Variants in OLA1 observed in about 807,000 individuals in gnomAD.
OLA1 encodes obg-like ATPase 1.
Under a neutral mutation model 48.4 loss-of-function variants are expected in OLA1, and 14 were observed. The ratio of observed to expected loss-of-function variants is 0.29; its 90% CI spans 0.19 to 0.45. The LOEUF (loss-of-function observed/expected upper bound fraction) is 0.45, where lower values mean the gene tolerates loss of function less well. Among genes scored for constraint, OLA1 ranks in the 20% least tolerant of loss-of-function variants. The pLI is 1.00. For synonymous variants in OLA1, 127 were observed against 150.4 expected (o/e 0.84, Z 1.14); for missense variants, 325 against 467.1 (o/e 0.70, Z 2.80).
chr2:174,079,839 A>T (rs1472355864), intron 9 of OLA1, among the ~76,000 whole-genome samples: 1 of 151,978 alleles, frequency 6.6e-6, no homozygotes, highest in African/African-American at 2.4e-5. Flanking sequence ...TTTTTACAAT[A>T]AAAGATGTAT....
At chr2:174,174,653 G>A (rs1009703979) in intron 4 of OLA1, among the ~76,000 whole-genome samples, 1 of 151,954 alleles carries the variant, frequency 6.6e-6, no homozygotes, top group Non-Finnish European at 1.5e-5. Flanking sequence ...AAATACTGTT[G>A]AGAAGAGACC....
intron 5 of OLA1, among the ~76,000 whole-genome samples, chr2:174,129,331 G>A (rs910985690): frequency 4.6e-5 from 7 of 151,872 alleles, no homozygotes; most frequent in African/African-American, 1.7e-4. Context: ...GGTGGCAGGT[G>A]CCTGTAGTCC....
At chr2:174,172,497 G>C (rs779005777) in intron 4 of OLA1, 2 of 158,246 alleles carry the variant, frequency 1.3e-5, no homozygotes, top group Non-Finnish European at 2.8e-5. Context: ...CCCTATATGC[G>C]GGGAGAAGTG....
intron 7 of OLA1, among the ~76,000 whole-genome samples, chr2:174,108,272 A>G (rs1331413659): frequency 6.6e-6 from 1 of 152,116 alleles, no homozygotes; most frequent in Non-Finnish European, 1.5e-5. Flanking sequence ...TATTTTCAAA[A>G]TCGTTTGCTA....
chr2:174,146,689 G>A (rs1297183686), intron 4 of OLA1, among the ~76,000 whole-genome samples: 4 of 152,044 alleles, frequency 2.6e-5, no homozygotes, highest in African/African-American at 7.2e-5. Flanking sequence ...TTATGAGAGC[G>A]AGGGAAAAAA....
At chr2:174,200,252 A>G (rs1687961953) in intron 4 of OLA1, among the ~76,000 whole-genome samples, 1 of 152,162 alleles carries the variant, frequency 6.6e-6, no homozygotes, top group South Asian at 2.1e-4. Context: ...GAGATAAAAA[A>G]TTTTGAGAAC....
At chr2:174,170,934 G>A (rs1219800570) in intron 4 of OLA1, among the ~76,000 whole-genome samples, 2 of 152,140 alleles carry the variant, frequency 1.3e-5, no homozygotes, top group African/African-American at 4.8e-5. Context: ...TAGGTTGAAA[G>A]TAAATGGATG....
chr2:174,243,059 A>C (rs1054770971), intron 2 of OLA1, among the ~76,000 whole-genome samples: 1 of 151,802 alleles, frequency 6.6e-6, no homozygotes, highest in Non-Finnish European at 1.5e-5. Context: ...CCCAGGCTAG[A>C]GTGCAGTGGC....
intron 4 of OLA1, among the ~76,000 whole-genome samples, chr2:174,151,146 T>A (rs189129648): frequency 6.6e-6 from 1 of 152,110 alleles, no homozygotes; most frequent in Middle Eastern, 3.2e-3. Context: ...CTTACATGAA[T>A]GAGTAATACA....
At chr2:174,225,473 C>T (rs575798042) in intron 3 of OLA1, among the ~76,000 whole-genome samples, 32 of 152,170 alleles carry the variant, frequency 2.1e-4, no homozygotes, top group African/African-American at 7.5e-4. Flanking sequence ...CACTTGAACC[C>T]AGGAGGCGGA....
At chr2:174,106,731 G>A (rs57679676) in intron 7 of OLA1, among the ~76,000 whole-genome samples, 47,609 of 151,988 alleles carry the variant, frequency 0.31, 7,589 homozygotes, top group Non-Finnish European at 0.35. Flanking sequence ...CCACAGACAG[G>A]ATTATTGTTA....
chr2:174,200,212 C>T (rs1199454312), intron 4 of OLA1, among the ~76,000 whole-genome samples: 1 of 151,700 alleles, frequency 6.6e-6, no homozygotes, highest in Non-Finnish European at 1.5e-5. Flanking sequence ...TTTTGAGAGC[C>T]CTTAATAATT....
At chr2:174,076,335 C>T (rs1197930149) in intron 10 of OLA1, among the ~76,000 whole-genome samples, 1 of 152,122 alleles carries the variant, frequency 6.6e-6, no homozygotes, top group Non-Finnish European at 1.5e-5. Context: ...TCTGCAGCAC[C>T]CACACTTAAC....
chr2:174,101,974 A>G (rs1685407166), intron 7 of OLA1, among the ~76,000 whole-genome samples: 2 of 152,246 alleles, frequency 1.3e-5, no homozygotes, highest in Non-Finnish European at 1.5e-5. Context: ...CTATAGAAAA[A>G]ATAGGCAGTT....
intron 4 of OLA1, among the ~76,000 whole-genome samples, chr2:174,167,859 G>A (rs749878078): frequency 3.3e-5 from 5 of 152,204 alleles, no homozygotes; most frequent in Admixed American, 1.3e-4. Context: ...GACTTATTAC[G>A]TAGCCTAAAA....
At chr2:174,078,451 T>G (rs1269547107) in intron 10 of OLA1, among the ~76,000 whole-genome samples, 1 of 151,956 alleles carries the variant, frequency 6.6e-6, no homozygotes, top group African/African-American at 2.4e-5. Context: ...TTATCCTTAT[T>G]AGCTAAAATA....
chr2:174,241,970 G>T (rs1559022503), intron 2 of OLA1, among the ~76,000 whole-genome samples: 2 of 152,234 alleles, frequency 1.3e-5, no homozygotes, highest in Non-Finnish European at 2.9e-5. Flanking sequence ...ACATGTGGCT[G>T]TCAAAATAAA....
At chr2:174,203,188 C>T (rs1688028531) in intron 4 of OLA1, among the ~76,000 whole-genome samples, 1 of 152,036 alleles carries the variant, frequency 6.6e-6, no homozygotes, top group Non-Finnish European at 1.5e-5. Context: ...GTAAAATAGG[C>T]CAGTCTCCTA....
At chr2:174,144,943 AAAAAAAAAATATATATAT>A (rs1686549017) in intron 4 of OLA1, among the ~76,000 whole-genome samples, 3 of 69,944 alleles carry the variant, frequency 4.3e-5, no homozygotes, top group Non-Finnish European at 8.3e-5. Context: ...AAAAAAAAAA[AAAAAAAAAATATATATAT>A]ATATATATAT....
Sources: allele counts gnomAD v4.1 joint callset (sites outside exome capture counted in the v4.1 genomes callset), GRCh38; gene constraint gnomAD v4.1.1; transcripts MANE v1.5; gene names NCBI Gene and HGNC (gene_info 2026-07-23, HGNC 2026-07-21).